Variants in NAV2 observed in about 807,000 individuals in gnomAD.
NAV2 encodes neuron navigator 2.
NAV2 carries 54 observed loss-of-function variants against 223.2 expected under a neutral mutation model. The observed-to-expected ratio is 0.24, with a 90% CI of 0.19 to 0.30. NAV2 has a LOEUF of 0.30. NAV2 is among the 10% of genes least tolerant of loss of function. The pLI is 1.00. For missense variants in NAV2, 2,806 were observed against 3,147.5 expected, an observed-to-expected ratio of 0.89 and a Z score of 2.60; for synonymous variants, 1,279 against 1,239.3, an observed-to-expected ratio of 1.03 and a Z score of -0.67.
At chr11:19,813,654 G>A (rs1383550609) in intron 1 of NAV2, among the ~76,000 whole-genome samples, 1 of 152,134 alleles carries the variant, frequency 6.6e-6, no homozygotes, top group African/African-American at 2.4e-5. Flanking sequence ...TGACCACAGC[G>A]GGTGCGTGAC....
intron 26 of NAV2, among the ~76,000 whole-genome samples, chr11:20,086,876 T>C (rs1183342169): frequency 6.6e-6 from 1 of 151,996 alleles, no homozygotes. Flanking sequence ...TTTGGTTCCA[T>C]TAAATTTGAG....
At chr11:19,486,757 C>G (rs1275322046) in intron 1 of NAV2, among the ~76,000 whole-genome samples, 1 of 152,208 alleles carries the variant, frequency 6.6e-6, no homozygotes, top group Non-Finnish European at 1.5e-5. Flanking sequence ...CCGTCACTCT[C>G]TCTATCTTTC....
intron 1 of NAV2, among the ~76,000 whole-genome samples, chr11:19,529,497 AG>A (rs2043957435): frequency 6.6e-6 from 1 of 151,466 alleles, no homozygotes; most frequent in South Asian, 2.1e-4. Context: ...CCCCATCCCC[AG>A]TAATTCTCTA....
At chr11:19,668,299 A>AGGC (rs1360950835) in intron 1 of NAV2, among the ~76,000 whole-genome samples, 1 of 152,170 alleles carries the variant, frequency 6.6e-6, no homozygotes, top group Non-Finnish European at 1.5e-5. Flanking sequence ...GCACTTTGAG[A>AGGC]GGCCAAGGCG....
rs35370021 is a variant in NAV2 at position 19,485,728 on chromosome 11, A to AT, written c.75+134712dup. 7.0e-3 allele frequency among the ~76,000 whole-genome samples: 1,062 copies of AT among 150,858 alleles called. 7 individuals are homozygous for AT. Among genetic ancestry groups the AT allele is most frequent in the African/African-American group, 0.022 (898 of 40,968 alleles). On this transcript the variant is annotated intron_variant, in intron 1 of 37. Coordinates refer to the NAV2 transcript ENST00000360655. ...TTTTATATGGGAGGATCTATTAAGG[A>AT]TTTTTTTTTTTAAAAGGAAAGAAAG...
At chr11:19,864,525 T>C (rs939970843) in intron 3 of NAV2, among the ~76,000 whole-genome samples, 7 of 152,366 alleles carry the variant, frequency 4.6e-5, no homozygotes, top group African/African-American at 1.7e-4. Context: ...ATTTGCTTCC[T>C]ATCTCCTGAT....
At chr11:19,662,673 G>C (rs1370442358) in intron 1 of NAV2, among the ~76,000 whole-genome samples, 1 of 152,238 alleles carries the variant, frequency 6.6e-6, no homozygotes, top group Non-Finnish European at 1.5e-5. Context: ...CCATTCAGCT[G>C]CTTCCTTAAG....
At chr11:19,682,063 T>C (rs10833157) in intron 1 of NAV2, among the ~76,000 whole-genome samples, 151,655 of 152,236 alleles carry the variant, frequency 1, 75,541 homozygotes, top group Middle Eastern at 1. Context: ...GGCTGCCCAC[T>C]ACCACCAGAG....
intron 1 of NAV2, among the ~76,000 whole-genome samples, chr11:19,744,824 A>G (rs561376201): frequency 6.6e-6 from 1 of 152,290 alleles, no homozygotes; most frequent in South Asian, 2.1e-4. Context: ...CTCCTGACAT[A>G]GATGTCAAAT....
chr11:20,065,462 G>T (rs2058983021), intron 20 of NAV2, among the ~76,000 whole-genome samples: 1 of 152,204 alleles, frequency 6.6e-6, no homozygotes, highest in Non-Finnish European at 1.5e-5. Flanking sequence ...AAAAGTTATG[G>T]CTACCTCTTG....
intron 5 of NAV2, among the ~76,000 whole-genome samples, chr11:19,881,107 A>G (rs1160101137): frequency 6.6e-6 from 1 of 152,210 alleles, no homozygotes; most frequent in Non-Finnish European, 1.5e-5. Flanking sequence ...ATTTAGTTGG[A>G]CAGAGCACAA....
At chr11:19,477,040 A>G (rs1210420478) in intron 1 of NAV2, among the ~76,000 whole-genome samples, 1 of 152,296 alleles carries the variant, frequency 6.6e-6, no homozygotes, top group East Asian at 1.9e-4. Context: ...TGCATTCCCA[A>G]GGGGTCCTTT....
intron 2 of NAV2, among the ~76,000 whole-genome samples, chr11:19,833,075 C>T (rs914397463): frequency 2.0e-5 from 3 of 152,192 alleles, no homozygotes; most frequent in African/African-American, 7.2e-5. Flanking sequence ...CGGGTTAATA[C>T]TAGGGGAAGG....
chr11:19,992,737 A>G (rs950367051), intron 11 of NAV2, among the ~76,000 whole-genome samples: 1 of 151,930 alleles, frequency 6.6e-6, no homozygotes, highest in Non-Finnish European at 1.5e-5. Flanking sequence ...ACAGGTGCAC[A>G]CCACCATGCC....
chr11:19,861,081 A>G (rs904126308), intron 3 of NAV2, among the ~76,000 whole-genome samples: 1 of 142,860 alleles, frequency 7.0e-6, no homozygotes, highest in Non-Finnish European at 1.5e-5. Context: ...GGCCAAAGTC[A>G]TATTCTCTTA....
At chr11:19,670,093 C>T (rs188667422) in intron 1 of NAV2, among the ~76,000 whole-genome samples, 2 of 152,334 alleles carry the variant, frequency 1.3e-5, no homozygotes, top group East Asian at 3.9e-4. Context: ...ATGATCCAGC[C>T]TCTCTGAGCC....
At chr11:19,407,605 A>G (rs1182012536) in intron 1 of NAV2, among the ~76,000 whole-genome samples, 2 of 150,168 alleles carry the variant, frequency 1.3e-5, no homozygotes, top group African/African-American at 4.9e-5. Flanking sequence ...CTGTGTAGAG[A>G]CTGGAGCCAG....
In NAV2 at chr11:19,719,220, A is replaced by T. The variant is rs531143985; in HGVS notation, c.267+5258A>T. ...CTCAGCAGCAGGGAAGGGAACATTT[A>T]TGGAGCATCTGCTATGTGCCAGGTA... On this transcript the variant is annotated intron_variant, in intron 1 of 37. Transcript: ENST00000349880. Among the ~76,000 whole-genome samples the T allele has an allele frequency of 3.6e-3, 551 of 152,284 alleles. 4 individuals carry two copies. Among genetic ancestry groups the T allele is most frequent in the Non-Finnish European group, 6.9e-3 (472 of 68,020 alleles).
At chr11:19,959,874 C>CT (rs1437784981) in intron 10 of NAV2, among the ~76,000 whole-genome samples, 3 of 152,254 alleles carry the variant, frequency 2.0e-5, no homozygotes, top group African/African-American at 4.8e-5. Context: ...TCTTCCCCCC[C>CT]CACCATCTGG....
Sources: gnomAD v4.1 joint callset for allele counts (sites outside exome capture counted in the v4.1 genomes callset) on GRCh38, gnomAD v4.1.1 for gene constraint, MANE v1.5 for transcripts, NCBI Gene and HGNC (gene_info 2026-07-23, HGNC 2026-07-21) for gene names.